The following CNTNAP2 variants were observed in gnomAD, a reference collection of about 807,000 sequenced individuals.
CNTNAP2 encodes the protein contactin-associated protein-like 2.
In CNTNAP2, 98 loss-of-function variants were observed where a neutral mutation model predicts 155.2. The ratio of observed to expected loss-of-function variants is 0.63; its 90% CI spans 0.54 to 0.75. CNTNAP2 has a LOEUF of 0.75. Ranked by LOEUF, CNTNAP2 falls within the 30% of genes least tolerant of loss-of-function variation. The pLI, the probability that CNTNAP2 is intolerant of heterozygous loss-of-function variation, is 0.00. For missense variants in CNTNAP2, 1,727 were observed against 1,688.1 expected (o/e 1.02, Z -0.40); for synonymous variants, 651 against 631.2 (o/e 1.03, Z -0.47).
chr7:146,408,023 C>T (rs1230135006), intron 1 of CNTNAP2, among the ~76,000 whole-genome samples: 14 of 152,156 alleles, frequency 9.2e-5, no homozygotes, highest in Admixed American at 9.2e-4. Flanking sequence ...AACAAGGCTT[C>T]TGACCAACAG....
At chr7:146,421,934 G>A (rs1029075192) in intron 1 of CNTNAP2, among the ~76,000 whole-genome samples, 2 of 151,672 alleles carry the variant, frequency 1.3e-5, no homozygotes, top group African/African-American at 2.4e-5. Context: ...TATTATAGAT[G>A]CTTGTTTCAC....
Position 147,508,572 on chromosome 7 carries a change from T to C in CNTNAP2, c.1777+22531T>C, listed in dbSNP as rs538888268. 2.0e-5 allele frequency among the ~76,000 whole-genome samples: 3 copies of C among 152,352 alleles called. No homozygotes were observed. In the East Asian group the frequency reaches 5.8e-4, roughly 29 times the overall value. On this transcript the variant is annotated intron_variant, in intron 11 of 23. Transcript: ENST00000361727. ...TGATGCCATGACTTATCAGGTCTTA[T>C]CAGGTTAAATCCGGATATTCTTTGG...
intron 8 of CNTNAP2, among the ~76,000 whole-genome samples, chr7:147,245,925 A>G (rs116600331): frequency 0.022 from 3,352 of 150,974 alleles, 125 homozygotes; most frequent in African/African-American, 0.077. Context: ...ATATATATGC[A>G]CACATGTATA....
At chr7:147,570,210 G>A (rs1245177185) in intron 12 of CNTNAP2, among the ~76,000 whole-genome samples, 1 of 152,102 alleles carries the variant, frequency 6.6e-6, no homozygotes, top group Non-Finnish European at 1.5e-5. Flanking sequence ...TCCCATTAGT[G>A]ACACCCCATC....
At chr7:147,967,179 A>C (rs2116850294) in intron 14 of CNTNAP2, among the ~76,000 whole-genome samples, 1 of 152,316 alleles carries the variant, frequency 6.6e-6, no homozygotes, top group South Asian at 2.1e-4. Flanking sequence ...CTGTTTAGGG[A>C]AAATATGAAT....
intron 22 of CNTNAP2, among the ~76,000 whole-genome samples, chr7:148,400,472 C>T (rs969243030): frequency 1.1e-4 from 16 of 152,138 alleles, no homozygotes; most frequent in African/African-American, 3.9e-4. Flanking sequence ...AACGAAGAGC[C>T]GTACGGCACT....
intron 13 of CNTNAP2, among the ~76,000 whole-genome samples, chr7:147,802,716 G>A (rs1325197416): frequency 6.8e-6 from 1 of 148,080 alleles, no homozygotes; most frequent in African/African-American, 2.5e-5. Flanking sequence ...AGTGAGCCGA[G>A]ATGGCAGCAG....
rs1193166211 is a variant in CNTNAP2 at position 147,639,252 on chromosome 7, T to C, written c.2044T>C (p.Cys682Arg). The C allele has an allele frequency of 1.2e-6, 2 of 1,614,146 alleles. No individual in the cohort carries two copies. Among genetic ancestry groups the C allele is most frequent in the Non-Finnish European group, 1.7e-6 (2 of 1,180,008 alleles). ...TGCCATCACTGACAGTGCCGAGTAC[T>C]GCGAGCAGTATGTCTCCTATTTCTG... The part of the protein sequence containing the change: ...ISAITDSAEY[C>R]EQYVSYFCKM... The change falls in exon 13 of 24, where the codon TGC becomes CGC. Residue 682 changes from cysteine to arginine, a missense_variant. Cys to Arg is a radical substitution (Grantham distance 180, BLOSUM62 -3). Transcript: ENST00000361727.
intron 1 of CNTNAP2, among the ~76,000 whole-genome samples, chr7:146,501,635 T>A (rs1023719097): frequency 7.2e-5 from 11 of 152,180 alleles, no homozygotes; most frequent in African/African-American, 2.7e-4. Flanking sequence ...TTTCTCTTTG[T>A]CAAAGTAGTG....
chr7:147,932,703 A>G (rs1000117397), intron 14 of CNTNAP2, among the ~76,000 whole-genome samples: 1 of 152,206 alleles, frequency 6.6e-6, no homozygotes. Context: ...GCAAAAACAG[A>G]GCAAGAGGTA....
chr7:147,054,115 C>G (rs960673987), intron 4 of CNTNAP2, among the ~76,000 whole-genome samples: 1 of 152,118 alleles, frequency 6.6e-6, no homozygotes, highest in Non-Finnish European at 1.5e-5. Flanking sequence ...TTCTTCTTCA[C>G]CCGTAAGGGC....
rs374854974 is a variant in CNTNAP2, at chr7:146,207,871, C to T, written c.97+90898C>T. Among the ~76,000 whole-genome samples the T allele has an allele frequency of 5.9e-5, 9 of 151,600 alleles. No individual in the cohort carries two copies. The East Asian group carries it at 7.7e-4, about 13-fold the overall frequency. On this transcript the variant is annotated intron_variant, in intron 1 of 23. Transcript: ENST00000361727. ...TTAAAATCTCTGATGGAACTTAAAA[C>T]AAGAGAACAAGTAACAGGAACTTGA... is the stretch of plus-strand genomic sequence containing the variant.
intron 3 of CNTNAP2, among the ~76,000 whole-genome samples, chr7:146,936,843 G>T (rs141336023): frequency 1.4e-3 from 208 of 152,206 alleles, no homozygotes; most frequent in African/African-American, 4.6e-3. Context: ...TATGTCTATA[G>T]ATCTTCTTCC....
At chr7:148,271,840 T>C (rs1796786129) in intron 21 of CNTNAP2, among the ~76,000 whole-genome samples, 1 of 152,174 alleles carries the variant, frequency 6.6e-6, no homozygotes, top group African/African-American at 2.4e-5. Context: ...TAAAAATCCA[T>C]CTGTACAGAC....
chr7:147,133,578 T>C (rs1285421435), intron 8 of CNTNAP2, among the ~76,000 whole-genome samples: 1 of 152,046 alleles, frequency 6.6e-6, no homozygotes, highest in East Asian at 1.9e-4. Flanking sequence ...TGCTCCTTTT[T>C]CTTCTGTCTC....
chr7:148,028,853 G>A (rs1025005952), intron 15 of CNTNAP2, among the ~76,000 whole-genome samples: 13 of 152,074 alleles, frequency 8.5e-5, no homozygotes, highest in Non-Finnish European at 1.5e-4. Context: ...GTATGAAGCC[G>A]TGAAACTGAT....
rs184184683 is a variant in CNTNAP2, at chr7:147,004,995, T to C, written c.403-38912T>C. 3.3e-3 allele frequency among the ~76,000 whole-genome samples: 500 copies of C among 152,192 alleles called. 1 individual carries two copies. The highest frequency in any genetic ancestry group is 0.011 in the African/African-American group (473 of 41,560). On this transcript the variant is annotated intron_variant, in intron 3 of 23. Coordinates refer to ENST00000361727, the MANE Select transcript of CNTNAP2 (RefSeq NM_014141.6). ...TGTGTATTTAAATAATACAGTGACTTATTCCAAAATCAGAAAAGCACAGAT... is the reference window on the plus strand; with the variant it reads ...TGTGTATTTAAATAATACAGTGACTCATTCCAAAATCAGAAAAGCACAGAT...
chr7:147,436,987 T>C (rs1177637928), intron 10 of CNTNAP2, among the ~76,000 whole-genome samples: 1 of 152,046 alleles, frequency 6.6e-6, no homozygotes, highest in Non-Finnish European at 1.5e-5. Flanking sequence ...CTAAAGTAAA[T>C]GCTTTAAGAA....
intron 3 of CNTNAP2, among the ~76,000 whole-genome samples, chr7:146,960,026 A>C (rs1375159298): frequency 6.6e-6 from 1 of 151,956 alleles, no homozygotes; most frequent in Non-Finnish European, 1.5e-5. Flanking sequence ...CAGGTTGTCC[A>C]CTCGCAAATG....
Sources: gnomAD v4.1 joint callset for allele counts (sites outside exome capture counted in the v4.1 genomes callset) on GRCh38, gnomAD v4.1.1 for gene constraint, MANE v1.5 for transcripts, NCBI Gene and HGNC (gene_info 2026-07-23, HGNC 2026-07-21) for gene names.